GRM5: variants seen among roughly 807,000 people sequenced by gnomAD.
GRM5 encodes the protein glutamate metabotropic receptor 5.
Under a neutral mutation model 83.1 loss-of-function variants are expected in GRM5, and 19 were observed. That is an observed-to-expected ratio of 0.23 (90% CI 0.16 to 0.34). The LOEUF is 0.34. Ranked by LOEUF, GRM5 falls within the 10% of genes least tolerant of loss-of-function variation. GRM5 has a pLI of 1.00. For missense variants in GRM5, 1,160 were observed against 1,588.3 expected, an observed-to-expected ratio of 0.73 and a Z score of 4.58; for synonymous variants, 675 against 633.6, an observed-to-expected ratio of 1.07 and a Z score of -0.98.
Position 88,613,181 on chromosome 11 carries a change from G to A in GRM5, c.1148-8217C>T, listed in dbSNP as rs138356565. Among the ~76,000 whole-genome samples, 175 of 152,204 alleles carry A rather than the reference G, an allele frequency of 1.1e-3. 3 individuals are homozygous for A. The East Asian group carries it at 0.017, about 15-fold the overall frequency. Reference sequence around the variant, plus strand: ...GAAGAATGTATATTCTGTTGTTTTTGGATGGATTGTTCTGTAGATGTGTAA... The same window carrying A: ...GAAGAATGTATATTCTGTTGTTTTTAGATGGATTGTTCTGTAGATGTGTAA... On this transcript the variant is annotated intron_variant, in intron 4 of 9. Transcript: ENST00000305447.
intron 5 of GRM5, among the ~76,000 whole-genome samples, chr11:88,600,493 C>T (rs932224722): frequency 3.3e-5 from 5 of 151,706 alleles, no homozygotes; most frequent in Admixed American, 1.3e-4. Flanking sequence ...CCTTAACCAG[C>T]CAAAATTTAA....
chr11:88,917,460 C>T (rs1217104879), intron 2 of GRM5, among the ~76,000 whole-genome samples: 3 of 152,020 alleles, frequency 2.0e-5, no homozygotes, highest in Non-Finnish European at 2.9e-5. Context: ...GTATTAAGAC[C>T]ATCTAGGAAA....
chr11:88,912,989 A>T (rs1338747076), intron 2 of GRM5, among the ~76,000 whole-genome samples: 1 of 152,178 alleles, frequency 6.6e-6, no homozygotes, highest in Admixed American at 6.5e-5. Context: ...CCCTGTTGCT[A>T]TTTTAATATT....
intron 3 of GRM5, among the ~76,000 whole-genome samples, chr11:88,755,058 A>G (rs1242738176): frequency 1.3e-5 from 2 of 152,188 alleles, no homozygotes; most frequent in Non-Finnish European, 2.9e-5. Context: ...GAAATATTAT[A>G]TTGAAGAACA....
In GRM5 at chr11:88,797,339, A is replaced by G. The variant is rs144322646; in HGVS notation, c.911+52567T>C. On this transcript the variant is annotated intron_variant, in intron 3 of 9. Coordinates refer to ENST00000305447, the MANE Select transcript of GRM5 (RefSeq NM_001143831.3). ...TAATTTTTAGTAGAGACGGAGTTTC[A>G]CCATGTTGATCAGGCTGGTCTTGAA... 9.8e-3 allele frequency among the ~76,000 whole-genome samples: 1,497 copies of G among 152,132 alleles called. 23 individuals are homozygous for G. Among genetic ancestry groups the G allele is most frequent in the African/African-American group, 0.035 (1,440 of 41,506 alleles).
intron 3 of GRM5, among the ~76,000 whole-genome samples, chr11:88,803,231 AATC>A (rs1296949837): frequency 1.3e-5 from 2 of 151,516 alleles, no homozygotes; most frequent in African/African-American, 4.9e-5. Context: ...TCACCAAGTC[AATC>A]CTAAGCCAAA....
intron 9 of GRM5, among the ~76,000 whole-genome samples, chr11:88,509,710 A>G (rs895595685): frequency 1.3e-5 from 2 of 152,190 alleles, no homozygotes; most frequent in Admixed American, 1.3e-4. Context: ...ACTGCTTTCT[A>G]TATCAGGGCT....
At chr11:88,810,685 T>C (rs1298990595) in intron 3 of GRM5, among the ~76,000 whole-genome samples, 1 of 152,154 alleles carries the variant, frequency 6.6e-6, no homozygotes, top group Non-Finnish European at 1.5e-5. Context: ...GTGTCAGTCA[T>C]TGATATTTTA....
chr11:88,599,742 G>A (rs763854454), intron 5 of GRM5, among the ~76,000 whole-genome samples: 12 of 152,094 alleles, frequency 7.9e-5, no homozygotes, highest in Non-Finnish European at 1.5e-4. Flanking sequence ...GGTCAGGCAC[G>A]GTGGCTCACA....
intron 2 of GRM5, among the ~76,000 whole-genome samples, chr11:88,899,875 C>T (rs1374244298): frequency 6.6e-6 from 1 of 152,052 alleles, no homozygotes; most frequent in Non-Finnish European, 1.5e-5. Flanking sequence ...ACATTGTTTT[C>T]TAGTTCCACA....
intron 3 of GRM5, among the ~76,000 whole-genome samples, chr11:88,767,601 A>G (rs1382367184): frequency 6.6e-6 from 1 of 152,022 alleles, no homozygotes; most frequent in Non-Finnish European, 1.5e-5. Flanking sequence ...GCATGTTCTC[A>G]CTTGCAAGTG....
At chr11:88,623,148 C>A (rs1021221855) in intron 4 of GRM5, among the ~76,000 whole-genome samples, 2 of 152,180 alleles carry the variant, frequency 1.3e-5, no homozygotes, top group African/African-American at 4.8e-5. Flanking sequence ...TGCAATGGCA[C>A]AATCTCAGCT....
At chr11:89,038,760 A>G (rs1250571905) in intron 2 of GRM5, among the ~76,000 whole-genome samples, 8 of 152,216 alleles carry the variant, frequency 5.3e-5, no homozygotes, top group Non-Finnish European at 1.2e-4. Flanking sequence ...GAACCAGGTG[A>G]TGTCCATCCT....
chr11:88,798,776 C>T (rs1288594128), intron 3 of GRM5, among the ~76,000 whole-genome samples: 1 of 133,064 alleles, frequency 7.5e-6, no homozygotes, highest in African/African-American at 2.9e-5. Flanking sequence ...ATGAGTGTTT[C>T]TCTACTCTTT....
intron 1 of GRM5, among the ~76,000 whole-genome samples, chr11:89,049,945 AG>A (rs1388381015): frequency 1.3e-5 from 2 of 152,172 alleles, no homozygotes; most frequent in African/African-American, 4.8e-5. Context: ...AAATATCTAA[AG>A]TTAAAGAAAG....
intron 3 of GRM5, among the ~76,000 whole-genome samples, chr11:88,657,422 G>C (rs1939790203): frequency 6.6e-6 from 1 of 152,050 alleles, no homozygotes; most frequent in Non-Finnish European, 1.5e-5. Flanking sequence ...ACTTAGCTTG[G>C]CTTAACTAAA....
intron 3 of GRM5, among the ~76,000 whole-genome samples, chr11:88,760,601 A>G (rs1339683394): frequency 1.3e-5 from 2 of 152,118 alleles, no homozygotes; most frequent in African/African-American, 4.8e-5. Flanking sequence ...TCAGTGCCAT[A>G]TGGATTCACA....
rs376529593 is a variant in GRM5 at position 88,513,051 on chromosome 11, T to C, written c.2727-3547A>G. On this transcript the variant is annotated intron_variant, in intron 9 of 9. Transcript: ENST00000305447. ...ACCTTTTTCCTCAAATGCTTTCTCATTGTGCTACATCCTCTCTTCCTTTTT... is the reference window on the plus strand; with the variant it reads ...ACCTTTTTCCTCAAATGCTTTCTCACTGTGCTACATCCTCTCTTCCTTTTT... Among the ~76,000 whole-genome samples, 38 of 152,334 alleles carry C rather than the reference T, an allele frequency of 2.5e-4. 2 individuals are homozygous for C. The highest frequency in any genetic ancestry group is 1.6e-3 in the Admixed American group (24 of 15,302).
intron 7 of GRM5, among the ~76,000 whole-genome samples, chr11:88,587,406 C>G (rs1463602214): frequency 6.6e-6 from 1 of 151,842 alleles, no homozygotes; most frequent in African/African-American, 2.4e-5. Flanking sequence ...TCTTTGACAA[C>G]AGAATGTAAA....
Sources: gnomAD v4.1 joint callset for allele counts (sites outside exome capture counted in the v4.1 genomes callset) on GRCh38, gnomAD v4.1.1 for gene constraint, MANE v1.5 for transcripts, NCBI Gene and HGNC (gene_info 2026-07-23, HGNC 2026-07-21) for gene names.